Variants in CCDC3 observed in about 807,000 individuals in gnomAD.
The protein encoded by CCDC3 is coiled-coil domain-containing protein 3.
In CCDC3, 24 loss-of-function variants were observed where a neutral mutation model predicts 21.4. The observed-to-expected ratio is 1.12, with a 90% CI of 0.81 to 1.58. The LOEUF is 1.58. Among genes scored for constraint, CCDC3 ranks in the 40% most tolerant of loss-of-function variants. CCDC3 has a pLI of 0.00. For missense variants in CCDC3, 425 were observed against 360.9 expected, an observed-to-expected ratio of 1.18 and a Z score of -1.44; for synonymous variants, 186 against 166.0, an observed-to-expected ratio of 1.12 and a Z score of -0.93.
chr10:12,920,352 G>A (rs565161501), intron 2 of CCDC3, among the ~76,000 whole-genome samples: 59 of 152,250 alleles, frequency 3.9e-4, no homozygotes, highest in Non-Finnish European at 1.5e-4. Flanking sequence ...CAACATGTAC[G>A]AATTGTGGCA....
chr10:13,004,588 G>T (rs1207203957), upstream of CCDC3, among the ~76,000 whole-genome samples: 1 of 126,924 alleles, frequency 7.9e-6, no homozygotes, highest in Non-Finnish European at 1.6e-5. Flanking sequence ...AGATGGAAAA[G>T]GTCCGATGGA....
chr10:12,909,911 G>T (rs964174805), intron 2 of CCDC3, among the ~76,000 whole-genome samples: 20 of 152,230 alleles, frequency 1.3e-4, no homozygotes, highest in African/African-American at 4.8e-4. Context: ...GAAAGGCCAG[G>T]CTCCACCTTC....
intron 2 of CCDC3, among the ~76,000 whole-genome samples, chr10:12,901,349 A>G (rs1834088967): frequency 6.6e-6 from 1 of 151,942 alleles, no homozygotes; most frequent in African/African-American, 2.4e-5. Flanking sequence ...GCTCACTGCA[A>G]TCCTCCACCT....
intron 5 of CCDC3, among the ~76,000 whole-genome samples, chr10:13,026,140 A>G (rs147374232): frequency 7.9e-5 from 12 of 152,314 alleles, no homozygotes; most frequent in African/African-American, 2.4e-4. Flanking sequence ...GAGATCACAC[A>G]CTGTACTCCA....
chr10:13,024,302 A>C (rs1488901113), intron 5 of CCDC3, among the ~76,000 whole-genome samples: 2 of 151,980 alleles, frequency 1.3e-5, no homozygotes, highest in African/African-American at 4.8e-5. Flanking sequence ...TGTAATCTCC[A>C]TTAGAGAAAA....
At chr10:12,982,121 C>CAAAAAAAAAAAAAAA (rs71386135) in intron 2 of CCDC3, among the ~76,000 whole-genome samples, 1 of 33,230 alleles carries the variant, frequency 3.0e-5, no homozygotes, top group African/African-American at 1.4e-4. Context: ...GACTCTGTCT[C>CAAAAAAAAAAAAAAA]AAAAAAAAAA....
intron 2 of CCDC3, among the ~76,000 whole-genome samples, chr10:12,921,097 G>A (rs1008349857): frequency 3.9e-5 from 6 of 152,128 alleles, no homozygotes; most frequent in African/African-American, 1.4e-4. Flanking sequence ...GGACATCGTG[G>A]TTTTAGTTAC....
intron 3 of CCDC3, among the ~76,000 whole-genome samples, chr10:13,087,598 C>T (rs1350374570): frequency 6.6e-6 from 1 of 151,940 alleles, no homozygotes; most frequent in East Asian, 1.9e-4. Flanking sequence ...CACAGAAGGG[C>T]TATGGAAGTC....
chr10:12,928,197 C>CCTA (rs755860792), intron 2 of CCDC3, among the ~76,000 whole-genome samples: 1 of 152,128 alleles, frequency 6.6e-6, no homozygotes, highest in Non-Finnish European at 1.5e-5. Flanking sequence ...GGTTAGTCAG[C>CCTA]CAGTACTACA....
intron 2 of CCDC3, among the ~76,000 whole-genome samples, chr10:12,920,371 C>T (rs1441321636): frequency 6.6e-6 from 1 of 152,148 alleles, no homozygotes; most frequent in Admixed American, 6.5e-5. Flanking sequence ...CAGTACAATT[C>T]AAGATGAGAT....
intron 2 of CCDC3, among the ~76,000 whole-genome samples, chr10:12,933,451 TCCC>T (rs1277290231): frequency 8.4e-6 from 1 of 119,666 alleles, no homozygotes; most frequent in Non-Finnish European, 1.7e-5. Context: ...TTGATAATAT[TCCC>T]TTTATTTTTT....
chr10:13,067,217 G>T (rs1157174466), intron 4 of CCDC3, among the ~76,000 whole-genome samples: 1 of 152,226 alleles, frequency 6.6e-6, no homozygotes, highest in Admixed American at 6.5e-5. Context: ...TGGGGTGCAT[G>T]GCCCATGGCC....
At chr10:12,991,344 G>T (rs1378257230) in intron 2 of CCDC3, among the ~76,000 whole-genome samples, 1 of 151,814 alleles carries the variant, frequency 6.6e-6, no homozygotes, top group East Asian at 1.9e-4. Flanking sequence ...TCCTTGAGAG[G>T]GAGTCTTGCT....
In CCDC3 at chr10:13,075,484, G is replaced by A. The variant is rs1313816422; in HGVS notation, c.-502-1384C>T. Among the ~76,000 whole-genome samples the A allele has an allele frequency of 3.3e-5, 5 of 151,902 alleles. No homozygotes were observed. The East Asian group carries it at 7.7e-4, about 23-fold the overall frequency. ...TAGACGTCCCAGCCTGGGTAGGTGG[G>A]TAATGGTTTAGAAGCTCCTAAGGAT... On this transcript the variant is annotated intron_variant, in intron 3 of 6. Transcript: ENST00000378839.
At chr10:13,062,367 T>C (rs1564336683) in intron 4 of CCDC3, among the ~76,000 whole-genome samples, 2 of 152,202 alleles carry the variant, frequency 1.3e-5, no homozygotes, top group Non-Finnish European at 2.9e-5. Context: ...GTACATAAGA[T>C]GCCATGGGAT....
intron 2 of CCDC3, among the ~76,000 whole-genome samples, chr10:12,990,499 G>T (rs976438979): frequency 2.0e-5 from 3 of 152,166 alleles, no homozygotes; most frequent in African/African-American, 4.8e-5. Flanking sequence ...TATTTATTCA[G>T]ATTTGGGTAT....
chr10:13,089,191 GT>G (rs1292028814), intron 3 of CCDC3, among the ~76,000 whole-genome samples: 1 of 152,094 alleles, frequency 6.6e-6, no homozygotes, highest in Non-Finnish European at 1.5e-5. Flanking sequence ...TTTAGAAAGA[GT>G]CGTCTTAAAG....
chr10:12,944,452 G>A (rs971589550), intron 2 of CCDC3, among the ~76,000 whole-genome samples: 10 of 152,186 alleles, frequency 6.6e-5, no homozygotes, highest in African/African-American at 2.4e-4. Flanking sequence ...CCTCTGACCT[G>A]GAAGCCCCTG....
chr10:12,961,751 T>G (rs977102787), intron 2 of CCDC3, among the ~76,000 whole-genome samples: 2 of 152,126 alleles, frequency 1.3e-5, no homozygotes, highest in African/African-American at 4.8e-5. Context: ...CCCTAAGTAA[T>G]TAGATGAAAT....
Sources: allele counts gnomAD v4.1 joint callset (sites outside exome capture counted in the v4.1 genomes callset), GRCh38; gene constraint gnomAD v4.1.1; transcripts MANE v1.5; gene names NCBI Gene and HGNC (gene_info 2026-07-23, HGNC 2026-07-21).